Variants in SBNO2 observed in about 807,000 individuals in gnomAD.
SBNO2 encodes the protein strawberry notch homolog 2.
Under a neutral mutation model 146.3 loss-of-function variants are expected in SBNO2, and 89 were observed. The ratio of observed to expected loss-of-function variants is 0.61; its 90% CI spans 0.51 to 0.73. SBNO2 has a LOEUF of 0.73. Among genes scored for constraint, SBNO2 ranks in the 30% least tolerant of loss-of-function variants. SBNO2 has a pLI of 0.00. For synonymous variants in SBNO2, 1,147 were observed against 892.6 expected (o/e 1.29, Z -5.08); for missense variants, 2,092 against 2,003.7 (o/e 1.04, Z -0.84).
At chr19:1,163,501 C>T (rs1346670286) in intron 1 of SBNO2, among the ~76,000 whole-genome samples, 3 of 152,218 alleles carry the variant, frequency 2.0e-5, no homozygotes, top group Non-Finnish European at 4.4e-5. Context: ...AGGGAGGAGG[C>T]TGCTCCAGCC....
At chr19:1,131,192 C>T (rs1485184180) in intron 4 of SBNO2, among the ~76,000 whole-genome samples, 1 of 152,202 alleles carries the variant, frequency 6.6e-6, no homozygotes, top group Non-Finnish European at 1.5e-5. Flanking sequence ...CATCCTTCAC[C>T]ACATGACCCA....
Position 1,140,248 on chromosome 19 carries a change from C to T in SBNO2, c.279+7061G>A, listed in dbSNP as rs1276106548. 4.7e-5 allele frequency among the ~76,000 whole-genome samples: 7 copies of T among 150,370 alleles called. No homozygotes were observed. The highest frequency in any genetic ancestry group is 1.7e-4 in the African/African-American group (7 of 40,768). ...CCAGGAGGCGTTGGTTGCAGTGAGC[C>T]GAGGTCACGCCACTGCACTCCAGCC... On this transcript the variant is annotated intron_variant, in intron 4 of 31. Coordinates refer to ENST00000361757, the MANE Select transcript of SBNO2 (RefSeq NM_014963.3). The surrounding 1 kb of genome is among the most constrained non-coding windows in gnomAD (Gnocchi z 4.4).
intron 4 of SBNO2, among the ~76,000 whole-genome samples, chr19:1,133,049 G>A (rs2080049150): frequency 6.6e-6 from 1 of 152,194 alleles, no homozygotes; most frequent in Non-Finnish European, 1.5e-5. Flanking sequence ...ACACCGCGGG[G>A]CAGACACCTG....
Position 1,140,857 on chromosome 19 carries a change from A to G in SBNO2, c.279+6452T>C, listed in dbSNP as rs1026179826. On this transcript the variant is annotated intron_variant, in intron 4 of 31. Coordinates refer to ENST00000361757, the MANE Select transcript of SBNO2 (RefSeq NM_014963.3). The surrounding 1 kb of genome is among the most constrained non-coding windows in gnomAD (Gnocchi z 4.4). ...GGAACCCCGTCCCCGCCAAGCGGCC[A>G]AAGTTACCAGCATCAGCACAACACG... is the stretch of plus-strand genomic sequence containing the variant. 3.3e-5 allele frequency among the ~76,000 whole-genome samples: 5 copies of G among 152,134 alleles called. No homozygotes were observed. Among genetic ancestry groups the G allele is most frequent in the Non-Finnish European group, 5.9e-5 (4 of 68,024 alleles).
chr19:1,170,010 A>ACC (rs112839997), intron 1 of SBNO2, among the ~76,000 whole-genome samples: 6 of 151,710 alleles, frequency 4.0e-5, no homozygotes, highest in African/African-American at 1.5e-4. Context: ...CCACACGTCT[A>ACC]CCCCCCATCT....
chr19:1,113,694 G>A lies in SBNO2; in HGVS notation c.2088C>T (p.Cys696=), dbSNP rs182561536. Residue 696 remains cysteine, a synonymous_variant, in exon 19 of 32, where the codon TGC becomes TGT. Transcript: ENST00000361757. ...GGCCATGCGGGTCTCTCTGCAGGAG[G>A]CACAGGGGTCCTAGGGAGGAGGTGG... ...GLPSDDRGPL[C]LLQRDPHGPG... The A allele has an allele frequency of 2.6e-4, 409 of 1,576,330 alleles. 9 individuals are homozygous for A. The East Asian group carries it at 9.7e-3, about 37-fold the overall frequency.
At chr19:1,153,107 C>T (rs1169425294) in intron 2 of SBNO2, among the ~76,000 whole-genome samples, 1 of 151,030 alleles carries the variant, frequency 6.6e-6, no homozygotes, top group Non-Finnish European at 1.5e-5. Flanking sequence ...GAGCCGAGAT[C>T]GCACCACTGC....
intron 24 of SBNO2, 111 bp downstream of exon 24, chr19:1,111,395 G>T: frequency 2.5e-6 from 2 of 786,710 alleles, no homozygotes; most frequent in South Asian, 1.7e-5. Context: ...GTGTGGGGAG[G>T]GGTCACTCAA....
chr19:1,127,768 G>A lies in SBNO2; in HGVS notation c.280-3C>T, dbSNP rs1485340875. On this transcript the variant is annotated splice_polypyrimidine_tract_variant and splice_region_variant and intron_variant, in intron 4 of 31. Transcript: ENST00000361757. ...AAGTCCTCAAAATAGGAGGAGTCCTGGAAGACAAGGCCAGGCCCGGTGAGG... is the reference window on the plus strand; with the variant it reads ...AAGTCCTCAAAATAGGAGGAGTCCTAGAAGACAAGGCCAGGCCCGGTGAGG... 1 of 1,612,718 alleles carries A rather than the reference G, an allele frequency of 6.2e-7. No individual in the cohort carries two copies.
At position 1,108,104 on chromosome 19, in the gene SBNO2, C is replaced by T; in HGVS notation, c.*116G>A. 8.4e-7 allele frequency: 1 copy of T among 1,188,486 alleles called. No individual in the cohort carries two copies. The highest frequency in any genetic ancestry group is 1.1e-6 in the Non-Finnish European group (1 of 913,838). 73.6% of individuals were successfully genotyped at this position (1,188,486 alleles called of 1,614,324 possible). A position where few individuals can be genotyped will look rare whatever the true frequency, so the allele number is the denominator to read the frequency against. ...GGGTCGGGCGCTGAAGGCACTGCGG[C>T]CAGGGCCTAGGGCTCCTCTGAGCAG... On this transcript the variant is annotated 3_prime_UTR_variant, in exon 32 of 32. Coordinates refer to ENST00000361757, the MANE Select transcript of SBNO2 (RefSeq NM_014963.3).
intron 4 of SBNO2, among the ~76,000 whole-genome samples, chr19:1,143,577 C>T (rs776778346): frequency 8.5e-5 from 13 of 152,204 alleles, no homozygotes; most frequent in Non-Finnish European, 1.6e-4. Flanking sequence ...AGGTCCCTCC[C>T]GGGGGCTCCA....
intron 4 of SBNO2, among the ~76,000 whole-genome samples, chr19:1,143,832 C>G (rs2080161799): frequency 6.6e-6 from 1 of 152,140 alleles, no homozygotes; most frequent in Non-Finnish European, 1.5e-5. Context: ...CACTGGGCCT[C>G]CAGGTCACCC....
chr19:1,113,510 ACT>A, intron 19 of SBNO2, 23 bp downstream of exon 19: 1 of 1,567,868 alleles, frequency 6.4e-7, no homozygotes, highest in Non-Finnish European at 8.6e-7. Flanking sequence ...CGCCCACCAC[ACT>A]CCAGCTGCCA....
chr19:1,130,876 G>A (rs868203034), intron 4 of SBNO2, among the ~76,000 whole-genome samples: 52 of 152,148 alleles, frequency 3.4e-4, no homozygotes, highest in African/African-American at 1.2e-3. Context: ...TCGAGGCCCC[G>A]CCCTGCTCCC....
At chr19:1,172,245 C>CCCTG (rs2080484977) in intron 1 of SBNO2, among the ~76,000 whole-genome samples, 1 of 152,240 alleles carries the variant, frequency 6.6e-6, no homozygotes, top group Admixed American at 6.5e-5. Context: ...CTGCCGTCTC[C>CCCTG]CCTGCCGTGG....
Position 1,154,320 on chromosome 19 carries a change from C to T in SBNO2, c.-44G>A, listed in dbSNP as rs1166492305. The T allele has an allele frequency of 2.3e-5, 26 of 1,155,042 alleles. No individual in the cohort carries two copies. Among genetic ancestry groups the T allele is most frequent in the Non-Finnish European group, 2.8e-5 (26 of 914,204 alleles). The allele number at this position is 1,155,042 out of a possible 1,614,324, so 71.5% of individuals were successfully genotyped here. On this transcript the variant is annotated 5_prime_UTR_variant, in exon 2 of 32. Transcript: ENST00000361757. ...GGGTCCTCGGCCGGGCAGCAGGCGGCGGGACTCCAGGACCCGGGGCCGCCG... is the reference window on the plus strand; with the variant it reads ...GGGTCCTCGGCCGGGCAGCAGGCGGTGGGACTCCAGGACCCGGGGCCGCCG...
intron 23 of SBNO2, among the ~76,000 whole-genome samples, 173 bp downstream of exon 23, chr19:1,111,821 CCT>C (rs1459984393): frequency 6.6e-6 from 1 of 151,512 alleles, no homozygotes; most frequent in African/African-American, 2.4e-5. Flanking sequence ...ATGCCACCTC[CCT>C]GAGCCCCTAG....
intron 4 of SBNO2, chr19:1,132,294 G>A (rs2080039712): frequency 1.5e-6 from 2 of 1,312,534 alleles, no homozygotes; most frequent in Admixed American, 4.0e-5. Context: ...ACCGCCGCCG[G>A]CGCCTACTTC....
intron 19 of SBNO2, 64 bp downstream of exon 19, chr19:1,113,471 G>GCC: frequency 7.2e-7 from 1 of 1,383,114 alleles, no homozygotes. Context: ...CACACAGCCT[G>GCC]CGTGAAGCCC....
Sources: gnomAD v4.1 joint callset for allele counts (sites outside exome capture counted in the v4.1 genomes callset) on GRCh38, gnomAD v4.1.1 for gene constraint, Gnocchi (gnomAD v3.1) non-coding constraint, MANE v1.5 for transcripts, NCBI Gene and HGNC (gene_info 2026-07-23, HGNC 2026-07-21) for gene names.